CD70: variants seen among roughly 807,000 people sequenced by gnomAD.
CD70 encodes the protein CD70 molecule, also known as CD70 antigen.
CD70 carries 6 observed loss-of-function variants against 9.0 expected under a neutral mutation model. That is an observed-to-expected ratio of 0.67 (90% CI 0.37 to 1.32). The LOEUF (loss-of-function observed/expected upper bound fraction) is 1.32. CD70 is among the 40% of genes most tolerant of loss of function. The pLI, the probability that CD70 is intolerant of heterozygous loss-of-function variation, is 0.02. For synonymous variants in CD70, 108 were observed against 112.3 expected, an observed-to-expected ratio of 0.96 and a Z score of 0.24; for missense variants, 235 against 258.7, an observed-to-expected ratio of 0.91 and a Z score of 0.63.
At chr19:6,589,278 T>G (rs1053971622) in intron 2 of CD70, among the ~76,000 whole-genome samples, 1 of 151,826 alleles carries the variant, frequency 6.6e-6, no homozygotes, top group South Asian at 2.1e-4. Flanking sequence ...TTTCTTTTTT[T>G]CTCTTTCTTC....
chr19:6,582,348 CTT>C (rs59168141), downstream of CD70, among the ~76,000 whole-genome samples: 15,285 of 135,098 alleles, frequency 0.11, 833 homozygotes, highest in African/African-American at 0.15. Context: ...GCAGTCAAAT[CTT>C]TTTTTTTTTT....
Position 6,591,051 on chromosome 19 carries a change from G to A in CD70, c.-49C>T. ...GCGCAGGAGGGGCGATGGGGGCGCGGAGCGCTGCCGAGAAGGAAGGAAGGA... is the reference window on the plus strand; with the variant it reads ...GCGCAGGAGGGGCGATGGGGGCGCGAAGCGCTGCCGAGAAGGAAGGAAGGA... On this transcript the variant is annotated 5_prime_UTR_variant, in exon 1 of 3. Coordinates refer to ENST00000245903, the MANE Select transcript of CD70 (RefSeq NM_001252.5). 1 of 1,532,278 alleles carries A rather than the reference G, an allele frequency of 6.5e-7. No individual in the cohort carries two copies. The highest frequency in any genetic ancestry group is 8.8e-7 in the Non-Finnish European group (1 of 1,141,380). 94.9% of individuals were successfully genotyped at this position (1,532,278 alleles called of 1,614,324 possible).
Position 6,586,019 on chromosome 19 carries a change from G to A in CD70, c.*1C>T. The A allele has an allele frequency of 1.2e-6, 2 of 1,605,366 alleles. No individual in the cohort carries two copies. The highest frequency in any genetic ancestry group is 2.2e-5 in the East Asian group (1 of 44,688). On this transcript the variant is annotated 3_prime_UTR_variant, in exon 3 of 3. Coordinates refer to ENST00000245903, the MANE Select transcript of CD70 (RefSeq NM_001252.5). Reference sequence around the variant, plus strand: ...TAAAAAACCCTAATCAGCAGCAGTGGTCAGGGGCGCACCCACTGCACTCCA... The same window carrying A: ...TAAAAAACCCTAATCAGCAGCAGTGATCAGGGGCGCACCCACTGCACTCCA...
chr19:6,583,375 C>A (rs1417568508), downstream of CD70: 2 of 702,038 alleles, frequency 2.8e-6, no homozygotes, highest in South Asian at 3.0e-5. Context: ...GTAGGGCTTG[C>A]ATGAACACGA....
At chr19:6,582,835 A>G (rs565475568), downstream of CD70, among the ~76,000 whole-genome samples, 609 of 152,316 alleles carry the variant, frequency 4.0e-3, 8 homozygotes, top group African/African-American at 0.014. Context: ...TAAAGCTGCC[A>G]GATAATCTCC....
chr19:6,586,758 C>T (rs1916025830), intron 2 of CD70, among the ~76,000 whole-genome samples: 1 of 151,414 alleles, frequency 6.6e-6, no homozygotes, highest in Non-Finnish European at 1.5e-5. Context: ...TATGATCACA[C>T]CACTGCACTC....
chr19:6,586,456 A>C, intron 2 of CD70, 51 bp from the exon 3 acceptor site: 2 of 1,532,114 alleles, frequency 1.3e-6, no homozygotes, highest in Non-Finnish European at 1.8e-6. Flanking sequence ...AGGGAAACTG[A>C]GGCACAGGGG....
At chr19:6,582,141 T>C (rs1023353054), downstream of CD70, among the ~76,000 whole-genome samples, 1 of 151,610 alleles carries the variant, frequency 6.6e-6, no homozygotes, top group African/African-American at 2.4e-5. Flanking sequence ...GCGATTCTCC[T>C]GCATCAGCCT....
intron 2 of CD70, among the ~76,000 whole-genome samples, chr19:6,588,509 GA>G (rs946250007): frequency 3.9e-5 from 6 of 152,212 alleles, no homozygotes; most frequent in African/African-American, 1.4e-4. Flanking sequence ...AGTCTCTGGG[GA>G]TGAACCGTGG....
rs151004469 is a variant in CD70, at chr19:6,590,959, T to C, written c.44A>G (p.Tyr15Cys). 15 of 1,613,430 alleles carry C rather than the reference T, an allele frequency of 9.3e-6. No individual in the cohort carries two copies. The highest frequency in any genetic ancestry group is 8.0e-5 in the African/African-American group (6 of 74,834). ...GSGCSVRRRPYGCVLRAALVP... is the reference protein window; with the variant it reads ...GSGCSVRRRPCGCVLRAALVP... ...CAAAGCAGCCCGCAGGACGCACCCA[T>C]AGGGCCTGCGCCGCACCGAGCAGCC... is the stretch of plus-strand genomic sequence containing the variant. Residue 15 changes from tyrosine (Y) to cysteine (C), a missense_variant, in exon 1 of 3, where the codon TAT becomes TGT. Transcript: ENST00000245903. This position sits in a 1 kb window ranked among gnomAD's most constrained non-coding sequence, Gnocchi z 5.3.
At chr19:6,583,366 T>C, downstream of CD70, 1 of 702,088 alleles carries the variant, frequency 1.4e-6, no homozygotes, top group Non-Finnish European at 2.6e-6. Context: ...TCCAGCTTTG[T>C]AGGGCTTGCA....
chr19:6,584,119 G>A (rs1221102261), downstream of CD70, among the ~76,000 whole-genome samples: 2 of 141,316 alleles, frequency 1.4e-5, no homozygotes, highest in African/African-American at 2.6e-5. Flanking sequence ...ATCCCACTTA[G>A]TGTGAATGTT....
chr19:6,587,025 A>G (rs1189136612), intron 2 of CD70, among the ~76,000 whole-genome samples: 1 of 151,634 alleles, frequency 6.6e-6, no homozygotes, highest in Non-Finnish European at 1.5e-5. Flanking sequence ...AGAGGACGAG[A>G]GTGCACGAGA....
intron 2 of CD70, among the ~76,000 whole-genome samples, chr19:6,587,087 T>TGTGA (rs1916038660): frequency 8.4e-6 from 1 of 118,354 alleles, no homozygotes; most frequent in East Asian, 2.7e-4. Context: ...AGAGAGTGTG[T>TGTGA]GAGAGGACGA....
chr19:6,582,195 ATT>A (rs142116911), downstream of CD70, among the ~76,000 whole-genome samples: 22 of 145,856 alleles, frequency 1.5e-4, no homozygotes, highest in South Asian at 4.3e-4. Flanking sequence ...CGCCTGGCTA[ATT>A]TTTTTTTTTT....
intron 2 of CD70, among the ~76,000 whole-genome samples, chr19:6,587,048 G>A (rs1402955383): frequency 1.3e-5 from 2 of 151,598 alleles, no homozygotes; most frequent in Non-Finnish European, 2.9e-5. Flanking sequence ...GTGCGACAGA[G>A]AGCATGAGAG....
Position 6,590,970 on chromosome 19 carries a change from C to T in CD70, c.33G>A (p.Arg11=). 1 of 1,612,998 alleles carries T rather than the reference C, an allele frequency of 6.2e-7. No individual in the cohort carries two copies. The highest frequency in any genetic ancestry group is 8.5e-7 in the Non-Finnish European group (1 of 1,179,428). Residue 11 remains arginine (R), a synonymous_variant, in exon 1 of 3, where the codon CGG becomes CGA. Coordinates refer to ENST00000245903, the MANE Select transcript of CD70 (RefSeq NM_001252.5). The surrounding 1 kb of genome is among the most constrained non-coding windows in gnomAD (Gnocchi z 5.3). MPEEGSGCSV[R]RRPYGCVLRA... Reference sequence around the variant, plus strand: ...GCAGGACGCACCCATAGGGCCTGCGCCGCACCGAGCAGCCCGAACCCTCCT... The same window carrying T: ...GCAGGACGCACCCATAGGGCCTGCGTCGCACCGAGCAGCCCGAACCCTCCT...
At chr19:6,583,055 C>T (rs887979753), downstream of CD70, 15 of 334,936 alleles carry the variant, frequency 4.5e-5, no homozygotes, top group Non-Finnish European at 6.0e-5. Flanking sequence ...TTTGTGAGGG[C>T]GGGTGGCGCA....
chr19:6,586,714 C>T (rs1016194137), intron 2 of CD70, among the ~76,000 whole-genome samples: 6 of 151,656 alleles, frequency 4.0e-5, no homozygotes, highest in African/African-American at 9.7e-5. Flanking sequence ...GCTGGAGGAT[C>T]GCTTGAGCCT....
Sources: allele counts gnomAD v4.1 joint callset (sites outside exome capture counted in the v4.1 genomes callset), GRCh38; gene constraint gnomAD v4.1.1; non-coding constraint Gnocchi (gnomAD v3.1); transcripts MANE v1.5; gene names NCBI Gene and HGNC (gene_info 2026-07-23, HGNC 2026-07-21).